GTF2IRD2: variants seen among roughly 807,000 people sequenced by gnomAD.
GTF2IRD2 encodes GTF2I repeat domain containing 2, also known as general transcription factor II-I repeat domain-containing protein 2A.
Under a neutral mutation model 49.2 loss-of-function variants are expected in GTF2IRD2, and 8 were observed. The ratio of observed to expected loss-of-function variants is 0.16; its 90% CI spans 0.10 to 0.29. The LOEUF is 0.29. Ranked by LOEUF, GTF2IRD2 falls within the 10% of genes least tolerant of loss-of-function variation. GTF2IRD2 has a pLI of 1.00. For missense variants in GTF2IRD2, 130 were observed against 725.7 expected (o/e 0.18, Z 9.43); for synonymous variants, 47 against 289.7 (o/e 0.16, Z 8.51).
intron 3 of GTF2IRD2, among the ~76,000 whole-genome samples, chr7:74,831,305 CATATAT>C (rs587669806): frequency 1.3e-4 from 20 of 148,816 alleles, no homozygotes; most frequent in Non-Finnish European, 2.2e-4. Context: ...TATCTACATA[CATATAT>C]ATATATAATT....
intron 1 of GTF2IRD2, among the ~76,000 whole-genome samples, chr7:74,836,835 G>A (rs1200015604): frequency 3.1e-4 from 46 of 149,526 alleles, no homozygotes; most frequent in African/African-American, 1.1e-3. Flanking sequence ...CAGAGTGCTG[G>A]GATTATAGGT....
intron 3 of GTF2IRD2, among the ~76,000 whole-genome samples, chr7:74,828,447 G>A (rs1482951240): frequency 1.5e-5 from 2 of 135,584 alleles, no homozygotes; most frequent in African/African-American, 5.4e-5. Context: ...GAGGCAGGCA[G>A]ATCACTTGAG....
At chr7:74,829,780 T>C (rs1217899643) in intron 3 of GTF2IRD2, among the ~76,000 whole-genome samples, 2 of 149,964 alleles carry the variant, frequency 1.3e-5, no homozygotes, top group African/African-American at 4.9e-5. Context: ...CCCAGCTACT[T>C]GGGATGCTGA....
intron 3 of GTF2IRD2, among the ~76,000 whole-genome samples, chr7:74,826,681 AAAAGACATCAT>A (rs1554419734): frequency 6.1e-4 from 65 of 106,224 alleles, no homozygotes; most frequent in Non-Finnish European, 9.8e-4. Flanking sequence ...ATGTTGCTGC[AAAAGACATCAT>A]TTCATTCTTT....
Position 74,817,093 on chromosome 7 carries a change from C to A in GTF2IRD2, c.670+2461G>T, listed in dbSNP as rs1304074499. On this transcript the variant is annotated intron_variant, in intron 8 of 15. Transcript: ENST00000451013. ...TTCTGAGACGGAGTTTCACTCTCAC[C>A]CAGGCTGGAGTGCAATGGCGCAGTC... Among the ~76,000 whole-genome samples, 5 of 37,856 alleles carry A rather than the reference C, an allele frequency of 1.3e-4. 2 individuals are homozygous for A. Among genetic ancestry groups the A allele is most frequent in the African/African-American group, 9.1e-4 (5 of 5,486 alleles). 24.8% of individuals were successfully genotyped at this position (37,856 alleles called of 152,430 possible).
intron 1 of GTF2IRD2, among the ~76,000 whole-genome samples, chr7:74,842,445 G>C (rs1192306111): frequency 1.4e-5 from 2 of 142,118 alleles, no homozygotes; most frequent in African/African-American, 5.5e-5. Flanking sequence ...TGTCCAGGCT[G>C]GTCTTGAACT....
rs1361148481 is a variant in GTF2IRD2 at position 74,841,927 on chromosome 7, C to T, written c.-5-5544G>A. Reference sequence around the variant, plus strand: ...GATCACGAGGTCAAGAGATCGAGACCATCCTGGCCAACTTGGTGAAACTTT... The same window carrying T: ...GATCACGAGGTCAAGAGATCGAGACTATCCTGGCCAACTTGGTGAAACTTT... On this transcript the variant is annotated intron_variant, in intron 1 of 15. Transcript: ENST00000451013. Among the ~76,000 whole-genome samples, 96 of 138,366 alleles carry T rather than the reference C, an allele frequency of 6.9e-4. 9 individuals are homozygous for T. The highest frequency in any genetic ancestry group is 1.1e-3 in the Non-Finnish European group (71 of 65,436). 90.8% of individuals were successfully genotyped at this position (138,366 alleles called of 152,430 possible). A position where few individuals can be genotyped will look rare whatever the true frequency, so the allele number is the denominator to read the frequency against.
rs1197983186 is a variant in GTF2IRD2, at chr7:74,812,559, C to T, written c.748+180G>A. ...CTGTAAAAAAACAAACAAAAGAGTA[C>T]GTGGATTTAGGCTAAATAGAATCTA... On this transcript the variant is annotated intron_variant, in intron 9 of 15. Transcript: ENST00000451013. Among the ~76,000 whole-genome samples the T allele has an allele frequency of 1.4e-4, 11 of 81,454 alleles. 5 individuals are homozygous for T. Among genetic ancestry groups the T allele is most frequent in the Non-Finnish European group, 3.5e-4 (11 of 31,238 alleles). 53.4% of individuals were successfully genotyped at this position (81,454 alleles called of 152,430 possible). A position where few individuals can be genotyped will look rare whatever the true frequency, so the allele number is the denominator to read the frequency against.
rs1710535912 is a variant in GTF2IRD2, at chr7:74,822,447, A to G, written c.551T>C (p.Leu184Pro). Residue 184 changes from leucine to proline, a missense_variant, in exon 6 of 16, where the codon CTA (leucine) becomes CCA (proline). Leu to Pro is a moderately conservative substitution (Grantham distance 98). Transcript: ENST00000451013. ...GISFIINRPF[L>P]GPESQLGGPG... ...CTTACCCAGCTGACTCTCTGGTCCT[A>G]GGAAGGGTCTGCAAGAAAAGCAACA... 1.2e-6 allele frequency: 1 copy of G among 864,632 alleles called. No homozygotes were observed. Among genetic ancestry groups the G allele is most frequent in the African/African-American group, 2.4e-5 (1 of 42,548 alleles). 53.6% of individuals were successfully genotyped at this position (864,632 alleles called of 1,614,324 possible).
At chr7:74,831,303 T>A (rs1184069520) in intron 3 of GTF2IRD2, among the ~76,000 whole-genome samples, 2 of 150,452 alleles carry the variant, frequency 1.3e-5, no homozygotes, top group Non-Finnish European at 3.0e-5. Context: ...GCTATCTACA[T>A]ACATATATAT....
chr7:74,818,460 T>TC (rs1798629583), intron 8 of GTF2IRD2, among the ~76,000 whole-genome samples: 5 of 5,604 alleles, frequency 8.9e-4, no homozygotes, highest in South Asian at 6.1e-3. Context: ...CTCTCTCTCT[T>TC]TTTTTTTTTT....
chr7:74,818,754 C>T (rs1654006278), intron 8 of GTF2IRD2: 1 of 150,530 alleles, frequency 6.6e-6, no homozygotes, highest in African/African-American at 2.5e-5. Context: ...CCTGCCAAGG[C>T]TTGTTTTCTA....
chr7:74,846,415 CT>C, intron 1 of GTF2IRD2, among the ~76,000 whole-genome samples: 1 of 129,870 alleles, frequency 7.7e-6, no homozygotes, highest in Non-Finnish European at 1.7e-5. Context: ...GTCACATTCA[CT>C]TGTTGACATC....
Position 74,796,430 on chromosome 7 carries a change from C to T in GTF2IRD2, c.*232G>A, listed in dbSNP as rs1269279401. The T allele has an allele frequency of 1.2e-5, 6 of 513,054 alleles. No homozygotes were observed. The highest frequency in any genetic ancestry group is 1.9e-5 in the African/African-American group (1 of 51,836). The allele number at this position is 513,054 out of a possible 1,614,324, so 31.8% of individuals were successfully genotyped here. ...TACAAAAATTAGCCAGGCATGGTGG[C>T]GCACGCCTGTAGTCCCAGCTGCTCG... On this transcript the variant is annotated 3_prime_UTR_variant, in exon 16 of 16. Coordinates refer to ENST00000451013, the MANE Select transcript of GTF2IRD2 (RefSeq NM_173537.5).
At chr7:74,825,799 C>T (rs1554419472) in intron 3 of GTF2IRD2, among the ~76,000 whole-genome samples, 1 of 124,126 alleles carries the variant, frequency 8.1e-6, no homozygotes. Context: ...TTCTTTCTTT[C>T]TTCTTTTTTT....
intron 3 of GTF2IRD2, among the ~76,000 whole-genome samples, chr7:74,830,038 T>C (rs1233790431): frequency 6.7e-6 from 1 of 150,152 alleles, no homozygotes; most frequent in Non-Finnish European, 1.5e-5. Flanking sequence ...TAAAGACAAA[T>C]AGATCTACGG....
chr7:74,798,829 GA>G (rs1246710636), intron 15 of GTF2IRD2, among the ~76,000 whole-genome samples: 3 of 146,974 alleles, frequency 2.0e-5, no homozygotes, highest in Non-Finnish European at 4.5e-5. Flanking sequence ...GTTTTCTAAA[GA>G]AAACCTGAAG....
At chr7:74,799,134 G>A (rs1797298501) in intron 15 of GTF2IRD2, 1 of 123,384 alleles carries the variant, frequency 8.1e-6, no homozygotes, top group Non-Finnish European at 1.7e-5. Flanking sequence ...GAGCCACCGT[G>A]CCAGGCCTCA....
Position 74,831,438 on chromosome 7 carries a change from GAC to G in GTF2IRD2, c.238+1365_238+1366del, listed in dbSNP as rs782567944. On this transcript the variant is annotated intron_variant, in intron 3 of 15. Coordinates refer to ENST00000451013, the MANE Select transcript of GTF2IRD2 (RefSeq NM_173537.5). ...TATCTAATCTACTTATACACACACA[GAC>G]ACACACACACACACACACTTTATAT... 2.3e-3 allele frequency among the ~76,000 whole-genome samples: 255 copies of G among 110,774 alleles called. 1 individual carries two copies. Among genetic ancestry groups the G allele is most frequent in the Middle Eastern group, 5.3e-3 (1 of 188 alleles). 72.7% of individuals were successfully genotyped at this position (110,774 alleles called of 152,430 possible).
Sources: gnomAD v4.1 joint callset for allele counts (sites outside exome capture counted in the v4.1 genomes callset) on GRCh38, gnomAD v4.1.1 for gene constraint, MANE v1.5 for transcripts, NCBI Gene and HGNC (gene_info 2026-07-23, HGNC 2026-07-21) for gene names.